Variants in BST1 observed in about 807,000 individuals in gnomAD.
BST1 encodes ADP-ribosyl cyclase/cyclic ADP-ribose hydrolase 2.
A neutral mutation model predicts 40.6 loss-of-function variants in BST1; 49 were observed. The ratio of observed to expected loss-of-function variants is 1.21; its 90% CI spans 0.96 to 1.53. The LOEUF (loss-of-function observed/expected upper bound fraction) is 1.53. Among genes scored for constraint, BST1 ranks in the 40% most tolerant of loss-of-function variants. The pLI is 0.00. For missense variants in BST1, 423 were observed against 395.9 expected (o/e 1.07, Z -0.58); for synonymous variants, 157 against 159.3 (o/e 0.99, Z 0.11).
rs1293577150 is a variant in BST1, at chr4:15,722,953, C to G, written c.851+19C>G. 1 of 1,609,680 alleles carries G rather than the reference C, an allele frequency of 6.2e-7. No individual in the cohort carries two copies. The highest frequency in any genetic ancestry group is 8.5e-7 in the Non-Finnish European group (1 of 1,176,424). The stretch of plus-strand genomic sequence containing the variant: ...TAAAGTCGTAAGTAAATGTCTTAAC[C>G]CAAATCGTTCTTTCCAAAGATAACC... On this transcript the variant is annotated intron_variant, in intron 8 of 8. Coordinates refer to ENST00000265016, the MANE Select transcript of BST1 (RefSeq NM_004334.3).
At chr4:15,714,653 T>A (rs932795427) in intron 4 of BST1, among the ~76,000 whole-genome samples, 3 of 152,246 alleles carry the variant, frequency 2.0e-5, no homozygotes, top group Non-Finnish European at 4.4e-5. Flanking sequence ...TATACATCTC[T>A]GTGCACAGTG....
the BST1 span, among the ~76,000 whole-genome samples, chr4:15,750,954 T>C: frequency 6.6e-6 from 1 of 152,190 alleles, no homozygotes; most frequent in Non-Finnish European, 1.5e-5. Context: ...AAACTCATTA[T>C]GGTAGGTTCT....
chr4:15,768,526 A>G, the BST1 span, among the ~76,000 whole-genome samples: 1 of 122,762 alleles, frequency 8.1e-6, no homozygotes, highest in African/African-American at 3.2e-5. Flanking sequence ...TCACTCTGTC[A>G]CCCAGGCCGG....
downstream of BST1, chr4:15,743,116 C>G (rs1318570645): frequency 6.4e-6 from 1 of 156,970 alleles, no homozygotes; most frequent in Non-Finnish European, 1.4e-5. Context: ...AACCCACTTT[C>G]AGTTTGTTGC....
chr4:15,735,998 C>G (rs181312715), downstream of BST1: 2 of 1,092,514 alleles, frequency 1.8e-6, no homozygotes, highest in Non-Finnish European at 2.5e-6. Context: ...TCATACTGCA[C>G]GCAGAGTAGC....
downstream of BST1, among the ~76,000 whole-genome samples, chr4:15,737,052 G>A (rs1721596404): frequency 1.3e-5 from 2 of 152,102 alleles, no homozygotes; most frequent in Non-Finnish European, 2.9e-5. Flanking sequence ...TGTAGCCTTG[G>A]GCAACTCACT....
At chr4:15,708,778 G>T (rs1398068379) in intron 3 of BST1, among the ~76,000 whole-genome samples, 1 of 152,070 alleles carries the variant, frequency 6.6e-6, no homozygotes, top group Non-Finnish European at 1.5e-5. Context: ...CTACTCGGGA[G>T]GCTGAGGCAG....
intron 1 of BST1, 42 bp downstream of exon 1, chr4:15,703,374 A>G (rs1300638784): frequency 3.4e-6 from 5 of 1,485,894 alleles, no homozygotes; most frequent in Non-Finnish European, 4.4e-6. Context: ...GGAAAGAGGC[A>G]ACGGTGGGGA....
chr4:15,753,071 A>C, the BST1 span, among the ~76,000 whole-genome samples: 2 of 150,914 alleles, frequency 1.3e-5, no homozygotes, highest in South Asian at 4.1e-4. Context: ...TATAAATATA[A>C]ATCACTAAAA....
chr4:15,731,067 G>T, intron 8 of BST1: 1 of 503,684 alleles, frequency 2.0e-6, no homozygotes, highest in South Asian at 1.7e-5. Flanking sequence ...CCAAGAAGTT[G>T]ACAGGCAGGT....
At chr4:15,766,018 T>C in the BST1 span, among the ~76,000 whole-genome samples, 1 of 151,948 alleles carries the variant, frequency 6.6e-6, no homozygotes, top group Non-Finnish European at 1.5e-5. Context: ...AATAAGGGGA[T>C]GGAAGTCAAA....
chr4:15,718,081 C>T (rs2148887041), intron 6 of BST1, among the ~76,000 whole-genome samples: 1 of 152,236 alleles, frequency 6.6e-6, no homozygotes, highest in South Asian at 2.1e-4. Context: ...AGCCTGGCTC[C>T]TTTTTCCTAA....
chr4:15,725,289 T>A (rs1721039211), intron 8 of BST1, among the ~76,000 whole-genome samples: 1 of 152,166 alleles, frequency 6.6e-6, no homozygotes, highest in African/African-American at 2.4e-5. Flanking sequence ...CTGGCAGATG[T>A]CTTGCTCTTT....
chr4:15,768,795 C>T, the BST1 span, among the ~76,000 whole-genome samples: 4 of 152,020 alleles, frequency 2.6e-5, no homozygotes, highest in Admixed American at 1.3e-4. Context: ...CGCGCCCGGC[C>T]GATGGACAGT....
intron 2 of BST1, among the ~76,000 whole-genome samples, 198 bp from the exon 3 acceptor site, chr4:15,707,313 C>T (rs1719931949): frequency 1.3e-5 from 2 of 151,880 alleles, no homozygotes; most frequent in African/African-American, 2.4e-5. Flanking sequence ...TGCATGATAC[C>T]CTGGGAATAA....
At chr4:15,770,961 CAGGTCTACCTGACCACCAAGTGCTCTT>C in the BST1 span, among the ~76,000 whole-genome samples, 1 of 152,182 alleles carries the variant, frequency 6.6e-6, no homozygotes. Flanking sequence ...AAAGCCCACC[CAGGTCTACCTGACCACCAAGTGCTCTT>C]AAGTGCTGGG....
chr4:15,766,901 C>T, the BST1 span, among the ~76,000 whole-genome samples: 1,382 of 149,720 alleles, frequency 9.2e-3, 54 homozygotes, highest in African/African-American at 0.033. Flanking sequence ...AAGGGGAGAA[C>T]AATCCCTGGA....
chr4:15,711,001 T>G (rs571312082), intron 3 of BST1, among the ~76,000 whole-genome samples: 5 of 152,186 alleles, frequency 3.3e-5, no homozygotes, highest in Non-Finnish European at 5.9e-5. Context: ...TGTTGGCTAG[T>G]CTGGTCTTGA....
chr4:15,735,896 CT>C (rs536902888), downstream of BST1, among the ~76,000 whole-genome samples: 50 of 152,184 alleles, frequency 3.3e-4, no homozygotes, highest in East Asian at 5.0e-3. Context: ...CATAACTTCA[CT>C]TTTTTCCCGA....
Sources: allele counts gnomAD v4.1 joint callset (sites outside exome capture counted in the v4.1 genomes callset), GRCh38; gene constraint gnomAD v4.1.1; transcripts MANE v1.5; gene names NCBI Gene and HGNC (gene_info 2026-07-23, HGNC 2026-07-21).